LPGAT1: variants seen among roughly 807,000 people sequenced by gnomAD.
LPGAT1 encodes the protein lysophosphatidylglycerol acyltransferase 1.
Under a neutral mutation model 47.5 loss-of-function variants are expected in LPGAT1, and 11 were observed. The observed-to-expected ratio is 0.23, with a 90% confidence interval of 0.15 to 0.38. LPGAT1 has a LOEUF of 0.38. LPGAT1 is among the 10% of genes least tolerant of loss of function. The probability of loss-of-function intolerance (pLI) is 1.00; values close to 1 mark genes in which losing one functional copy is unlikely to be tolerated. For synonymous variants in LPGAT1, 138 were observed against 144.2 expected (o/e 0.96, Z 0.31); for missense variants, 293 against 439.0 (o/e 0.67, Z 2.97).
intron 6 of LPGAT1, among the ~76,000 whole-genome samples, chr1:211,768,432 C>G (rs61828461): frequency 0.12 from 18,010 of 152,224 alleles, 1,268 homozygotes; most frequent in Non-Finnish European, 0.15. Context: ...CCACTGTCAA[C>G]AGTTGAGCTC....
chr1:211,804,011 G>A (rs1185138342), intron 2 of LPGAT1, among the ~76,000 whole-genome samples: 5 of 152,000 alleles, frequency 3.3e-5, no homozygotes, highest in Admixed American at 2.0e-4. Context: ...TGCCTGCCTC[G>A]GCCTCCCAAA....
intron 6 of LPGAT1, among the ~76,000 whole-genome samples, chr1:211,761,023 C>G (rs918967273): frequency 6.6e-6 from 1 of 152,022 alleles, no homozygotes; most frequent in Non-Finnish European, 1.5e-5. Flanking sequence ...ATTTTTGCAG[C>G]CTATGTAGCG....
At chr1:211,802,487 A>G (rs1370018794) in intron 2 of LPGAT1, among the ~76,000 whole-genome samples, 1 of 152,104 alleles carries the variant, frequency 6.6e-6, no homozygotes, top group Non-Finnish European at 1.5e-5. Context: ...GTAAGAGATG[A>G]GATGATGATA....
rs574931031 is a variant in LPGAT1, at chr1:211,799,697, T to C, written c.239-6507A>G. ...CAATAAGGAGGGGTAGAGAGGTATA[T>C]AGCCAAATAATCAAGCATTTTTCTC... On this transcript the variant is annotated intron_variant, in intron 2 of 7. Coordinates refer to ENST00000366997, the MANE Select transcript of LPGAT1 (RefSeq NM_014873.3). Among the ~76,000 whole-genome samples, 145 of 152,280 alleles carry C rather than the reference T, an allele frequency of 9.5e-4. 5 individuals are homozygous for C. The South Asian group carries it at 0.029, about 31-fold the overall frequency.
intron 6 of LPGAT1, among the ~76,000 whole-genome samples, chr1:211,763,634 G>A (rs1657794804): frequency 6.6e-6 from 1 of 152,122 alleles, no homozygotes; most frequent in Admixed American, 6.5e-5. Flanking sequence ...ATACCACAGG[G>A]TAGACAACAA....
intron 6 of LPGAT1, among the ~76,000 whole-genome samples, chr1:211,769,643 G>A (rs553495498): frequency 3.3e-5 from 5 of 152,202 alleles, no homozygotes; most frequent in East Asian, 1.9e-4. Context: ...TTAATTATAC[G>A]GTAAACAAGG....
chr1:211,783,603 A>ATTCTATTCTGT, intron 4 of LPGAT1, 101 bp from the exon 5 acceptor site: 3 of 1,099,670 alleles, frequency 2.7e-6, no homozygotes, highest in Non-Finnish European at 3.8e-6. Context: ...ATCCAATCAC[A>ATTCTATTCTGT]GAATAGAATA....
chr1:211,788,498 A>T (rs535439283), intron 3 of LPGAT1, among the ~76,000 whole-genome samples: 1 of 151,992 alleles, frequency 6.6e-6, no homozygotes, highest in Admixed American at 6.6e-5. Context: ...GCCTGGCCAA[A>T]ATGGTGAAAC....
chr1:211,767,335 T>C (rs969492750), intron 6 of LPGAT1, among the ~76,000 whole-genome samples: 4 of 152,010 alleles, frequency 2.6e-5, no homozygotes, highest in African/African-American at 9.7e-5. Context: ...GAGATTTCAC[T>C]ATGTTGGCCA....
At chr1:211,816,178 A>T (rs1174866228) in intron 2 of LPGAT1, among the ~76,000 whole-genome samples, 2 of 151,974 alleles carry the variant, frequency 1.3e-5, no homozygotes, top group Non-Finnish European at 2.9e-5. Flanking sequence ...TCTCAAGGGC[A>T]TCCCTCCCTG....
At chr1:211,781,988 G>C (rs1460902538) in intron 5 of LPGAT1, among the ~76,000 whole-genome samples, 1 of 152,142 alleles carries the variant, frequency 6.6e-6, no homozygotes, top group Non-Finnish European at 1.5e-5. Context: ...AATAAATAGA[G>C]AAAAATAATA....
chr1:211,806,050 A>G (rs1214141042), intron 2 of LPGAT1, among the ~76,000 whole-genome samples: 3 of 152,168 alleles, frequency 2.0e-5, no homozygotes, highest in Non-Finnish European at 2.9e-5. Context: ...ACTTGAGGTC[A>G]TAAGTTCGAG....
intron 2 of LPGAT1, among the ~76,000 whole-genome samples, chr1:211,794,272 T>C (rs1447877755): frequency 6.6e-6 from 1 of 152,210 alleles, no homozygotes; most frequent in Non-Finnish European, 1.5e-5. Flanking sequence ...GGTATTTCTA[T>C]GTAGTTATGC....
intron 2 of LPGAT1, among the ~76,000 whole-genome samples, chr1:211,804,150 G>A (rs1659673442): frequency 6.6e-6 from 1 of 152,090 alleles, no homozygotes; most frequent in Non-Finnish European, 1.5e-5. Context: ...AAAGCTCACT[G>A]TAGCCTCAAC....
At chr1:211,768,318 C>T (rs905550799) in intron 6 of LPGAT1, among the ~76,000 whole-genome samples, 17 of 152,098 alleles carry the variant, frequency 1.1e-4, no homozygotes, top group African/African-American at 3.6e-4. Context: ...ATTCTGTGGG[C>T]AATTTCTTTT....
chr1:211,755,056 A>C (rs1657382059), intron 6 of LPGAT1, among the ~76,000 whole-genome samples: 1 of 142,102 alleles, frequency 7.0e-6, no homozygotes, highest in South Asian at 2.2e-4. Flanking sequence ...AAAAAAAAAA[A>C]GCCAGGCGAG....
intron 2 of LPGAT1, among the ~76,000 whole-genome samples, chr1:211,800,287 C>T (rs1183723687): frequency 1.1e-4 from 17 of 151,274 alleles, no homozygotes; most frequent in African/African-American, 4.1e-4. Flanking sequence ...CTCCAAAGTG[C>T]TGGGATTACA....
chr1:211,821,047 C>CA (rs924219494), intron 2 of LPGAT1, among the ~76,000 whole-genome samples: 21 of 151,560 alleles, frequency 1.4e-4, no homozygotes, highest in African/African-American at 4.6e-4. Flanking sequence ...GTAAGATACT[C>CA]AAAAAAAAGA....
At position 211,777,666 on chromosome 1, in the gene LPGAT1, A is replaced by C. The variant is rs143520338; in HGVS notation, c.854+1252T>G. The stretch of plus-strand genomic sequence containing the variant: ...ATTTAAAAGTGTAAGTCATAGCAAA[A>C]TTACCAATTTAATCATTCAGAAAAT... On this transcript the variant is annotated intron_variant, in intron 6 of 7. Transcript: ENST00000366997. Among the ~76,000 whole-genome samples the C allele has an allele frequency of 8.4e-4, 128 of 152,372 alleles. 1 individual carries two copies. Among genetic ancestry groups the C allele is most frequent in the African/African-American group, 3.0e-3 (123 of 41,596 alleles).
Sources: gnomAD v4.1 joint callset for allele counts (sites outside exome capture counted in the v4.1 genomes callset) on GRCh38, gnomAD v4.1.1 for gene constraint, MANE v1.5 for transcripts, NCBI Gene and HGNC (gene_info 2026-07-23, HGNC 2026-07-21) for gene names.